GALNT13: variants seen among roughly 807,000 people sequenced by gnomAD.
GALNT13 encodes polypeptide N-acetylgalactosaminyltransferase 13.
Under a neutral mutation model 64.2 loss-of-function variants are expected in GALNT13, and 28 were observed. The observed-to-expected ratio is 0.44, with a 90% CI of 0.32 to 0.60. GALNT13 has a LOEUF of 0.60. Ranked by LOEUF, GALNT13 falls within the 20% of genes least tolerant of loss-of-function variation. The pLI is 0.05. For synonymous variants in GALNT13, 214 were observed against 224.6 expected (o/e 0.95, Z 0.42); for missense variants, 577 against 669.8 (o/e 0.86, Z 1.53).
Position 154,309,817 on chromosome 2 carries a change from G to A in GALNT13, c.1156+8228G>A, listed in dbSNP as rs1189764551. ...TACTCCTCTTAGAGCGCTGCTGGAG[G>A]ACCTTCCCAAACCAAATTATCACTG... On this transcript the variant is annotated intron_variant, in intron 9 of 12. Transcript: ENST00000392825. 4.6e-5 allele frequency among the ~76,000 whole-genome samples: 7 copies of A among 152,210 alleles called. No homozygotes were observed. In the East Asian group the frequency reaches 1.4e-3, roughly 29 times the overall value.
At chr2:153,697,770 C>T in the GALNT13 span, among the ~76,000 whole-genome samples, 4 of 152,088 alleles carry the variant, frequency 2.6e-5, no homozygotes, top group South Asian at 2.1e-4. Flanking sequence ...GAATGACATG[C>T]GAATGTACTG....
At chr2:154,367,226 A>G (rs897893275) in intron 9 of GALNT13, among the ~76,000 whole-genome samples, 2 of 152,172 alleles carry the variant, frequency 1.3e-5, no homozygotes, top group Non-Finnish European at 2.9e-5. Context: ...AAAAATAACT[A>G]TCAGGGAACA....
chr2:153,614,743 T>A, the GALNT13 span, among the ~76,000 whole-genome samples: 1 of 152,152 alleles, frequency 6.6e-6, no homozygotes, highest in Non-Finnish European at 1.5e-5. Context: ...ATTTTTCATT[T>A]TTAATTATTG....
the GALNT13 span, among the ~76,000 whole-genome samples, chr2:153,655,654 A>T: frequency 6.6e-6 from 1 of 152,164 alleles, no homozygotes; most frequent in South Asian, 2.1e-4. Context: ...AAATATGAGA[A>T]TAGAGTATTT....
chr2:153,592,754 G>A, the GALNT13 span: 3 of 152,192 alleles, frequency 2.0e-5, no homozygotes, highest in African/African-American at 4.8e-5. Context: ...CAAATACTGC[G>A]AGTGCCCCAA....
chr2:154,266,161 C>A (rs184140162), intron 8 of GALNT13, among the ~76,000 whole-genome samples: 1 of 152,204 alleles, frequency 6.6e-6, no homozygotes, highest in Admixed American at 6.5e-5. Context: ...AGCAAAAAAA[C>A]CTACACATAT....
chr2:153,478,465 G>A, the GALNT13 span: 2 of 1,613,614 alleles, frequency 1.2e-6, no homozygotes, highest in Non-Finnish European at 1.7e-6. Flanking sequence ...GGTCACCACG[G>A]ACGCCTGGGT....
At chr2:153,696,731 C>T in the GALNT13 span, among the ~76,000 whole-genome samples, 1 of 152,088 alleles carries the variant, frequency 6.6e-6, no homozygotes, top group Non-Finnish European at 1.5e-5. Context: ...CTGCAGAATG[C>T]AAAACTGCAG....
At chr2:153,688,988 AGG>A in the GALNT13 span, among the ~76,000 whole-genome samples, 2 of 97,170 alleles carry the variant, frequency 2.1e-5, no homozygotes, top group South Asian at 8.9e-4. Flanking sequence ...AGGTAGAGGT[AGG>A]GGTGTGTGTG....
At chr2:154,208,233 CTAA>C (rs1243155586) in intron 4 of GALNT13, among the ~76,000 whole-genome samples, 2 of 152,064 alleles carry the variant, frequency 1.3e-5, no homozygotes, top group African/African-American at 2.4e-5. Flanking sequence ...TTGTCTGGCA[CTAA>C]TGATATTCAG....
chr2:154,270,183 T>C (rs1404590404), intron 8 of GALNT13, among the ~76,000 whole-genome samples: 3 of 151,642 alleles, frequency 2.0e-5, no homozygotes, highest in East Asian at 1.9e-4. Flanking sequence ...TAAGGCATCG[T>C]AATTTCAATA....
the GALNT13 span, among the ~76,000 whole-genome samples, chr2:153,527,053 C>G: frequency 6.6e-6 from 1 of 151,642 alleles, no homozygotes; most frequent in Non-Finnish European, 1.5e-5. Context: ...TAGAAAATAG[C>G]TTCAAAATAG....
intron 3 of GALNT13, among the ~76,000 whole-genome samples, chr2:154,022,324 A>G (rs917883835): frequency 6.6e-6 from 1 of 152,116 alleles, no homozygotes; most frequent in African/African-American, 2.4e-5. Flanking sequence ...CTGTGAATCC[A>G]TCTGGTCCTG....
At chr2:153,488,597 C>T in the GALNT13 span, among the ~76,000 whole-genome samples, 4 of 152,270 alleles carry the variant, frequency 2.6e-5, no homozygotes, top group South Asian at 8.3e-4. Flanking sequence ...TGCTGGAGAG[C>T]CTGCCTTGAA....
the GALNT13 span, among the ~76,000 whole-genome samples, chr2:153,301,320 A>AAAAAAAAAAAAAAAAAAAAAAAAAAAG: frequency 2.8e-3 from 359 of 126,072 alleles, 8 homozygotes; most frequent in Non-Finnish European, 4.9e-3. Flanking sequence ...AAAAAAAAAG[A>AAAAAAAAAAAAAAAAAAAAAAAAAAAG]AAAAAAAAAA....
chr2:154,438,184 A>T (rs1701091359), intron 11 of GALNT13, among the ~76,000 whole-genome samples: 1 of 151,710 alleles, frequency 6.6e-6, no homozygotes, highest in Non-Finnish European at 1.5e-5. Flanking sequence ...AAACTTCTAT[A>T]TGAAAAAATG....
At chr2:154,213,666 A>G (rs566091603) in intron 4 of GALNT13, among the ~76,000 whole-genome samples, 2 of 151,984 alleles carry the variant, frequency 1.3e-5, no homozygotes, top group East Asian at 1.9e-4. Context: ...TTGGATGTGT[A>G]TATCACAAGA....
chr2:153,132,898 T>C, the GALNT13 span, among the ~76,000 whole-genome samples: 8 of 152,086 alleles, frequency 5.3e-5, no homozygotes, highest in African/African-American at 1.9e-4. Context: ...GTTTTTGGTA[T>C]TTTTTGTAGA....
chr2:154,350,169 T>G (rs945032400), intron 9 of GALNT13, among the ~76,000 whole-genome samples: 3 of 152,180 alleles, frequency 2.0e-5, no homozygotes, highest in Admixed American at 2.0e-4. Context: ...AGTGTCAACT[T>G]GATTGGATTG....
Sources: allele counts gnomAD v4.1 joint callset (sites outside exome capture counted in the v4.1 genomes callset), GRCh38; gene constraint gnomAD v4.1.1; transcripts MANE v1.5; gene names NCBI Gene and HGNC (gene_info 2026-07-23, HGNC 2026-07-21).